The following XIRP2 variants were observed in gnomAD, a reference collection of about 807,000 sequenced individuals.
XIRP2 encodes xin actin binding repeat containing 2.
Under a neutral mutation model 277.0 loss-of-function variants are expected in XIRP2, and 236 were observed. That is an observed-to-expected ratio of 0.85 (90% CI 0.77 to 0.95). The LOEUF is 0.95. XIRP2 is among the 40% of genes least tolerant of loss of function. The probability of loss-of-function intolerance (pLI) is 0.00; values close to 1 mark genes in which losing one functional copy is unlikely to be tolerated. For synonymous variants in XIRP2, 1,490 were observed against 1,416.5 expected (o/e 1.05, Z -1.17); for missense variants, 4,640 against 4,157.5 (o/e 1.12, Z -3.19).
intron 3 of XIRP2, among the ~76,000 whole-genome samples, chr2:167,175,176 T>C (rs1490865410): frequency 1.3e-5 from 2 of 152,074 alleles, no homozygotes; most frequent in African/African-American, 4.8e-5. Context: ...CTATTGACAG[T>C]GGGGTGCTAA....
intron 2 of XIRP2, among the ~76,000 whole-genome samples, chr2:167,018,098 C>T (rs893730517): frequency 3.9e-5 from 6 of 152,024 alleles, no homozygotes; most frequent in South Asian, 2.1e-4. Flanking sequence ...CTCAATTTCT[C>T]GTCATCTCTC....
rs1285774700 is a variant in XIRP2 at position 167,243,005 on chromosome 2, A to G, written c.1613A>G (p.Asp538Gly). Reference sequence around the variant, plus strand: ...AACTCAGGGAGTTCAGTCTCAGCAGATGTGCAACAAGCCCGGTATGTTTTT... The same window carrying G: ...AACTCAGGGAGTTCAGTCTCAGCAGGTGTGCAACAAGCCCGGTATGTTTTT... Reference protein sequence around the residue: ...QMNSGSSVSADVQQARYVFEN... With the variant: ...QMNSGSSVSAGVQQARYVFEN... The change falls in exon 9 of 11, where the codon GAT becomes GGT. Residue 538 changes from aspartate to glycine, a missense_variant. Transcript: ENST00000409195. 24 of 1,613,952 alleles carry G rather than the reference A, an allele frequency of 1.5e-5. No individual in the cohort carries two copies. Among genetic ancestry groups the G allele is most frequent in the Middle Eastern group, 1.6e-4 (1 of 6,084 alleles).
chr2:167,189,786 G>A (rs1020453806), intron 3 of XIRP2, among the ~76,000 whole-genome samples: 1 of 152,082 alleles, frequency 6.6e-6, no homozygotes, highest in African/African-American at 2.4e-5. Context: ...ACACCAACTG[G>A]CTGTCCTACA....
chr2:167,133,914 T>A (rs566081144), intron 2 of XIRP2, among the ~76,000 whole-genome samples: 1 of 152,162 alleles, frequency 6.6e-6, no homozygotes, highest in African/African-American at 2.4e-5. Flanking sequence ...TATGAACATA[T>A]GGATTTTTTG....
intron 10 of XIRP2, among the ~76,000 whole-genome samples, chr2:167,255,368 A>T (rs1695627751): frequency 6.6e-6 from 1 of 151,788 alleles, no homozygotes. Flanking sequence ...TTTAACTTAC[A>T]GTCTTTATGC....
chr2:167,098,977 G>C (rs1386398699), intron 2 of XIRP2, among the ~76,000 whole-genome samples: 1 of 152,162 alleles, frequency 6.6e-6, no homozygotes, highest in Non-Finnish European at 1.5e-5. Context: ...TGAGGTGTCT[G>C]TCGACCCCTG....
At chr2:167,000,208 C>G (rs1202766221) in intron 2 of XIRP2, among the ~76,000 whole-genome samples, 1 of 152,080 alleles carries the variant, frequency 6.6e-6, no homozygotes, top group Non-Finnish European at 1.5e-5. Flanking sequence ...CCTCTTGTGC[C>G]TTAGCTACTT....
At chr2:166,922,851 G>A (rs1382578267) in intron 2 of XIRP2, among the ~76,000 whole-genome samples, 1 of 149,606 alleles carries the variant, frequency 6.7e-6, no homozygotes, top group Non-Finnish European at 1.5e-5. Flanking sequence ...AAGGTAACCA[G>A]GGGTGATAGC....
chr2:166,986,456 C>T (rs576337396), intron 2 of XIRP2, among the ~76,000 whole-genome samples: 27 of 152,250 alleles, frequency 1.8e-4, no homozygotes, highest in Admixed American at 1.6e-3. Flanking sequence ...TTACACGTTG[C>T]GTGACATTCA....
chr2:166,967,939 C>T (rs1232266195), intron 2 of XIRP2, among the ~76,000 whole-genome samples: 2 of 151,822 alleles, frequency 1.3e-5, no homozygotes, highest in Non-Finnish European at 2.9e-5. Context: ...CAATCATAAG[C>T]CATAAAACTT....
At chr2:167,041,899 A>T (rs892097526) in intron 2 of XIRP2, among the ~76,000 whole-genome samples, 3 of 152,188 alleles carry the variant, frequency 2.0e-5, no homozygotes, top group Non-Finnish European at 4.4e-5. Context: ...CAAAGTCAAT[A>T]CAAAAGAAAC....
At chr2:167,005,546 C>T (rs2105461431) in intron 2 of XIRP2, among the ~76,000 whole-genome samples, 1 of 151,794 alleles carries the variant, frequency 6.6e-6, no homozygotes, top group Non-Finnish European at 1.5e-5. Flanking sequence ...AACTTTAAAA[C>T]AATTATAAAG....
intron 5 of XIRP2, among the ~76,000 whole-genome samples, chr2:167,233,303 T>C (rs1222274513): frequency 6.6e-6 from 1 of 151,958 alleles, no homozygotes; most frequent in African/African-American, 2.4e-5. Context: ...TTATGTCATG[T>C]TAAAGAATTT....
intron 2 of XIRP2, among the ~76,000 whole-genome samples, chr2:167,031,420 C>T (rs947896984): frequency 6.6e-6 from 1 of 152,016 alleles, no homozygotes; most frequent in South Asian, 2.1e-4. Flanking sequence ...ATTTGCTTGT[C>T]TTTAAAGGAT....
chr2:166,913,318 C>G (rs560446269), intron 2 of XIRP2, among the ~76,000 whole-genome samples: 18 of 149,260 alleles, frequency 1.2e-4, no homozygotes, highest in South Asian at 4.2e-4. Context: ...GCACCCCCCC[C>G]CCCCAGCCTC....
At chr2:167,053,540 G>T (rs1055099423) in intron 2 of XIRP2, among the ~76,000 whole-genome samples, 2 of 152,020 alleles carry the variant, frequency 1.3e-5, no homozygotes, top group Admixed American at 1.3e-4. Context: ...TAATGAAAAT[G>T]GGATGATGAC....
chr2:167,242,982 C>T lies in XIRP2; in HGVS notation c.1590C>T (p.Asn530=). The change falls in exon 9 of 11, where the codon AAC becomes AAT. Residue 530 remains asparagine (N), a synonymous_variant. Coordinates refer to ENST00000409195, the MANE Select transcript of XIRP2 (RefSeq NM_152381.6). ...CTGAGATTGTTTCTAGTCAAATGAA[C>T]TCAGGGAGTTCAGTCTCAGCAGATG... ...EVSEIVSSQM[N]SGSSVSADVQ... is the part of the protein sequence containing the mutation. 3 of 1,613,960 alleles carry T rather than the reference C, an allele frequency of 1.9e-6. No homozygotes were observed. Among genetic ancestry groups the T allele is most frequent in the African/African-American group, 1.3e-5 (1 of 75,018 alleles).
intron 2 of XIRP2, among the ~76,000 whole-genome samples, chr2:166,955,583 A>G (rs1428799919): frequency 1.3e-5 from 2 of 151,900 alleles, no homozygotes; most frequent in Non-Finnish European, 2.9e-5. Context: ...TATAAAATAT[A>G]TCTCACTAAA....
At chr2:167,003,405 G>A (rs1235579254) in intron 2 of XIRP2, among the ~76,000 whole-genome samples, 1 of 151,790 alleles carries the variant, frequency 6.6e-6, no homozygotes, top group Non-Finnish European at 1.5e-5. Context: ...ACAGTTGGGG[G>A]GTTAGAAACC....
Sources: gnomAD v4.1 joint callset for allele counts (sites outside exome capture counted in the v4.1 genomes callset) on GRCh38, gnomAD v4.1.1 for gene constraint, MANE v1.5 for transcripts, NCBI Gene and HGNC (gene_info 2026-07-23, HGNC 2026-07-21) for gene names.